CAMK1D: variants seen among roughly 807,000 people sequenced by gnomAD.
The protein encoded by CAMK1D is calcium/calmodulin dependent protein kinase ID.
A neutral mutation model predicts 47.7 loss-of-function variants in CAMK1D; 9 were observed. The ratio of observed to expected loss-of-function variants is 0.19; its 90% confidence interval spans 0.11 to 0.33. CAMK1D has a LOEUF of 0.33. CAMK1D is among the 10% of genes least tolerant of loss of function. The probability of loss-of-function intolerance (pLI) is 1.00; values close to 1 mark genes in which losing one functional copy is unlikely to be tolerated. For missense variants in CAMK1D, 291 were observed against 488.7 expected, an observed-to-expected ratio of 0.60 and a Z score of 3.81; for synonymous variants, 184 against 184.9, an observed-to-expected ratio of 0.99 and a Z score of 0.04.
intron 3 of CAMK1D, among the ~76,000 whole-genome samples, chr10:12,710,091 G>A (rs904041015): frequency 6.6e-6 from 1 of 152,140 alleles, no homozygotes; most frequent in Non-Finnish European, 1.5e-5. Flanking sequence ...CTCAGAGATT[G>A]TCATGAGGAT....
At chr10:12,374,995 A>G (rs574918421) in intron 1 of CAMK1D, among the ~76,000 whole-genome samples, 2 of 150,518 alleles carry the variant, frequency 1.3e-5, no homozygotes, top group African/African-American at 2.4e-5. Context: ...GGGTCTCACT[A>G]TGTGTTGCCC....
At chr10:12,744,620 A>G (rs940956897) in intron 3 of CAMK1D, among the ~76,000 whole-genome samples, 7 of 152,110 alleles carry the variant, frequency 4.6e-5, no homozygotes, top group African/African-American at 9.7e-5. Context: ...CTCAGGGTAC[A>G]GTGGCTCACA....
chr10:12,586,682 C>G (rs1837828318), intron 2 of CAMK1D, among the ~76,000 whole-genome samples: 1 of 152,086 alleles, frequency 6.6e-6, no homozygotes, highest in African/African-American at 2.4e-5. Context: ...TGCCCCCTCA[C>G]CAGACCTAGG....
chr10:12,642,691 C>T (rs1839699025), intron 2 of CAMK1D, among the ~76,000 whole-genome samples: 2 of 151,922 alleles, frequency 1.3e-5, no homozygotes, highest in Admixed American at 6.6e-5. Context: ...TTTTTTTTCA[C>T]ATTTTTATGC....
At chr10:12,541,960 C>CA (rs1197695109) in intron 1 of CAMK1D, among the ~76,000 whole-genome samples, 1 of 151,250 alleles carries the variant, frequency 6.6e-6, no homozygotes, top group Non-Finnish European at 1.5e-5. Context: ...ACTGCAGCCT[C>CA]AGCCACCCAG....
chr10:12,408,156 C>T (rs1204080867), intron 1 of CAMK1D, among the ~76,000 whole-genome samples: 3 of 145,538 alleles, frequency 2.1e-5, no homozygotes, highest in African/African-American at 7.6e-5. Context: ...CCGCGCCTGG[C>T]CTCTTTCATT....
At chr10:12,539,866 G>A (rs964137744) in intron 1 of CAMK1D, among the ~76,000 whole-genome samples, 3 of 152,168 alleles carry the variant, frequency 2.0e-5, no homozygotes, top group African/African-American at 7.2e-5. Context: ...CTGGAGTGTT[G>A]CCAGCTTTTT....
At chr10:12,826,917 C>A (rs1035025945) in intron 10 of CAMK1D, among the ~76,000 whole-genome samples, 1 of 152,326 alleles carries the variant, frequency 6.6e-6, no homozygotes, top group African/African-American at 2.4e-5. Context: ...GGCTGTTTGT[C>A]CCCATGTCTG....
At chr10:12,547,680 T>A (rs1170642391) in intron 1 of CAMK1D, among the ~76,000 whole-genome samples, 22 of 40,284 alleles carry the variant, frequency 5.5e-4, no homozygotes, top group African/African-American at 1.6e-3. Flanking sequence ...TCTTTCTCTC[T>A]CTCACACACA....
At chr10:12,663,790 G>C (rs1477748346) in intron 2 of CAMK1D, among the ~76,000 whole-genome samples, 2 of 152,178 alleles carry the variant, frequency 1.3e-5, no homozygotes, top group East Asian at 3.8e-4. Flanking sequence ...ACAATGCATG[G>C]ATAGTCGTAT....
intron 1 of CAMK1D, among the ~76,000 whole-genome samples, chr10:12,444,834 A>C (rs751566320): frequency 1.4e-4 from 22 of 152,138 alleles, no homozygotes; most frequent in Non-Finnish European, 3.1e-4. Flanking sequence ...TATTATGCAG[A>C]TGAAGCCTCC....
intron 3 of CAMK1D, among the ~76,000 whole-genome samples, chr10:12,679,333 C>T (rs191501395): frequency 2.0e-4 from 31 of 152,032 alleles, no homozygotes; most frequent in Admixed American, 8.5e-4. Context: ...AGAAACTATC[C>T]GTTTATTTAC....
intron 1 of CAMK1D, among the ~76,000 whole-genome samples, chr10:12,479,353 C>T (rs12768282): frequency 0.13 from 19,926 of 151,994 alleles, 1,479 homozygotes; most frequent in Non-Finnish European, 0.18. Flanking sequence ...CGCACCACCA[C>T]GCCTGGCTAA....
chr10:12,599,377 G>A lies in CAMK1D; in HGVS notation c.224+46021G>A, dbSNP rs1444981633. 3.3e-5 allele frequency among the ~76,000 whole-genome samples: 5 copies of A among 152,158 alleles called. No individual in the cohort carries two copies. In the East Asian group the frequency reaches 9.6e-4, roughly 29 times the overall value. Reference sequence around the variant, plus strand: ...TAAGGTGTCTCCTGGAGCTGGAGGGGTGGTGTGGGGTGGACCAAGGAAGCA... The same window carrying A: ...TAAGGTGTCTCCTGGAGCTGGAGGGATGGTGTGGGGTGGACCAAGGAAGCA... On this transcript the variant is annotated intron_variant, in intron 2 of 10. Transcript: ENST00000619168.
chr10:12,428,918 G>A (rs898872597), intron 1 of CAMK1D, among the ~76,000 whole-genome samples: 8 of 152,134 alleles, frequency 5.3e-5, no homozygotes, highest in Admixed American at 3.9e-4. Flanking sequence ...AGAAGAGGGC[G>A]CTCACCAGAA....
At chr10:12,674,823 G>C (rs1690068765) in intron 3 of CAMK1D, among the ~76,000 whole-genome samples, 1 of 151,604 alleles carries the variant, frequency 6.6e-6, no homozygotes, top group Non-Finnish European at 1.5e-5. Context: ...CACGAGGTCA[G>C]GAGTTCAAGA....
intron 3 of CAMK1D, among the ~76,000 whole-genome samples, chr10:12,730,491 G>A (rs747008539): frequency 3.3e-5 from 5 of 152,270 alleles, no homozygotes; most frequent in South Asian, 4.1e-4. Context: ...TAAAAGCCTG[G>A]GCTATAGATA....
At chr10:12,540,008 G>A (rs554248210) in intron 1 of CAMK1D, among the ~76,000 whole-genome samples, 1 of 152,230 alleles carries the variant, frequency 6.6e-6, no homozygotes, top group Admixed American at 6.5e-5. Context: ...TGAACTCCTG[G>A]GCTCAGGCGA....
intron 5 of CAMK1D, 98 bp downstream of exon 5, chr10:12,769,897 G>A: frequency 1.4e-6 from 2 of 1,386,524 alleles, no homozygotes; most frequent in South Asian, 1.3e-5. Flanking sequence ...TGAAACATAT[G>A]AGCTTGGCAT....
Sources: gnomAD v4.1 joint callset for allele counts (sites outside exome capture counted in the v4.1 genomes callset) on GRCh38, gnomAD v4.1.1 for gene constraint, MANE v1.5 for transcripts, NCBI Gene and HGNC (gene_info 2026-07-23, HGNC 2026-07-21) for gene names.